Variants in PTPN14 observed in about 807,000 individuals in gnomAD.
The protein encoded by PTPN14 is protein tyrosine phosphatase non-receptor type 14.
In PTPN14, 53 loss-of-function variants were observed where a neutral mutation model predicts 126.8. The ratio of observed to expected loss-of-function variants is 0.42; its 90% CI spans 0.34 to 0.53. PTPN14 has a LOEUF of 0.53. PTPN14 is among the 20% of genes least tolerant of loss of function. The probability of loss-of-function intolerance (pLI) is 0.08; values close to 1 mark genes in which losing one functional copy is unlikely to be tolerated. For synonymous variants in PTPN14, 630 were observed against 599.3 expected (o/e 1.05, Z -0.75); for missense variants, 1,257 against 1,552.9 (o/e 0.81, Z 3.20).
At chr1:214,392,731 T>C (rs1378303225) in intron 10 of PTPN14, among the ~76,000 whole-genome samples, 2 of 152,196 alleles carry the variant, frequency 1.3e-5, no homozygotes, top group Non-Finnish European at 1.5e-5. Context: ...GTAGGCCTAA[T>C]ACTGTCAGAC....
At position 214,451,940 on chromosome 1, in the gene PTPN14, C is replaced by T. The variant is rs1387484933; in HGVS notation, c.209G>A (p.Ser70Asn). ...CAGCTCCACCCATCGTGCTTGCTGG[C>T]TCTTGCTGAGAAACCAAAGGCCAAA... ...HYFGLWFLSK[S>N]QQARWVELEK... The change falls in exon 3 of 19, where the codon AGC becomes AAC. Residue 70 changes from serine to asparagine, a missense_variant. This residue lies in a region of PTPN14 where 1,021 missense variants were observed against 1,183.3 expected (regional missense o/e 0.86). Transcript: ENST00000366956. The T allele has an allele frequency of 1.2e-6, 2 of 1,614,112 alleles. No individual in the cohort carries two copies. The highest frequency in any genetic ancestry group is 8.5e-7 in the Non-Finnish European group (1 of 1,179,992).
At chr1:214,495,895 T>C (rs912144445) in intron 1 of PTPN14, among the ~76,000 whole-genome samples, 3 of 152,098 alleles carry the variant, frequency 2.0e-5, no homozygotes, top group African/African-American at 4.8e-5. Flanking sequence ...GGTTTCACCA[T>C]GTTGGTCAGG....
chr1:214,536,429 A>T (rs1262222952), intron 1 of PTPN14, among the ~76,000 whole-genome samples: 1 of 151,918 alleles, frequency 6.6e-6, no homozygotes, highest in Non-Finnish European at 1.5e-5. Flanking sequence ...TTAGTTTTTT[A>T]AAAAATATTA....
At chr1:214,438,298 T>C (rs1451813640) in intron 3 of PTPN14, among the ~76,000 whole-genome samples, 1 of 152,180 alleles carries the variant, frequency 6.6e-6, no homozygotes, top group African/African-American at 2.4e-5. Context: ...TGCTCGGGCC[T>C]GATAACCTTA....
chr1:214,387,062 C>G (rs1658636616), intron 11 of PTPN14, 140 bp from the exon 12 acceptor site: 1 of 686,672 alleles, frequency 1.5e-6, no homozygotes, highest in East Asian at 2.8e-5. Flanking sequence ...ACCCCTTTGA[C>G]TCAACCTTCT....
chr1:214,432,030 A>T (rs4582758), intron 3 of PTPN14, among the ~76,000 whole-genome samples: 40,060 of 152,006 alleles, frequency 0.26, 6,171 homozygotes, highest in Non-Finnish European at 0.34. Context: ...AAAAGTTTTT[A>T]AAAAATTAGC....
At chr1:214,444,650 T>C (rs547863307) in intron 3 of PTPN14, among the ~76,000 whole-genome samples, 58 of 152,280 alleles carry the variant, frequency 3.8e-4, no homozygotes, top group African/African-American at 1.1e-3. Flanking sequence ...GGGAAAAGTA[T>C]TGGTATTTAT....
chr1:214,458,528 C>A (rs962647754), intron 2 of PTPN14, among the ~76,000 whole-genome samples: 2 of 152,268 alleles, frequency 1.3e-5, no homozygotes, highest in South Asian at 2.1e-4. Context: ...CTATGAAAAA[C>A]TAACTCTCTG....
At chr1:214,435,641 GA>G (rs1372915679) in intron 3 of PTPN14, among the ~76,000 whole-genome samples, 1 of 152,066 alleles carries the variant, frequency 6.6e-6, no homozygotes, top group Non-Finnish European at 1.5e-5. Context: ...ACAAGCATAA[GA>G]AAAAATGCTC....
At chr1:214,539,579 AATCT>A (rs765865885) in intron 1 of PTPN14, among the ~76,000 whole-genome samples, 17 of 152,322 alleles carry the variant, frequency 1.1e-4, no homozygotes, top group Middle Eastern at 3.4e-3. Context: ...TACGGTAATT[AATCT>A]ATCAGAATCC....
intron 7 of PTPN14, among the ~76,000 whole-genome samples, chr1:214,399,376 G>T (rs752380846): frequency 2.8e-4 from 43 of 152,130 alleles, no homozygotes; most frequent in Non-Finnish European, 5.1e-4. Flanking sequence ...CAGTTTAAGA[G>T]ACAATCTCTG....
chr1:214,534,629 CG>C (rs1169854255), intron 1 of PTPN14, among the ~76,000 whole-genome samples: 2 of 151,946 alleles, frequency 1.3e-5, no homozygotes, highest in East Asian at 3.9e-4. Context: ...AGGAGAATGG[CG>C]TGAATGTGGG....
At chr1:214,459,994 T>C (rs1660474070) in intron 2 of PTPN14, among the ~76,000 whole-genome samples, 1 of 152,184 alleles carries the variant, frequency 6.6e-6, no homozygotes, top group South Asian at 2.1e-4. Flanking sequence ...AAAGAATGTT[T>C]CCCAAAGCAT....
chr1:214,375,892 T>C (rs1435609776), intron 15 of PTPN14, among the ~76,000 whole-genome samples: 1 of 152,194 alleles, frequency 6.6e-6, no homozygotes, highest in Admixed American at 6.5e-5. Context: ...CTCCAGCACC[T>C]GCTAATTACA....
At chr1:214,507,544 A>G (rs1231431939) in intron 1 of PTPN14, among the ~76,000 whole-genome samples, 1 of 152,238 alleles carries the variant, frequency 6.6e-6, no homozygotes, top group Non-Finnish European at 1.5e-5. Flanking sequence ...ACTACAAATC[A>G]GCTGTCACAG....
At chr1:214,407,944 G>A (rs900800773) in intron 5 of PTPN14, among the ~76,000 whole-genome samples, 1 of 152,172 alleles carries the variant, frequency 6.6e-6, no homozygotes, top group African/African-American at 2.4e-5. Context: ...CGTAGCTACA[G>A]TCAAACCAGC....
chr1:214,449,011 C>CTTTTTTTTTTTTTTTTTTTTTTTT (rs71165970), intron 3 of PTPN14, among the ~76,000 whole-genome samples: 2 of 112,468 alleles, frequency 1.8e-5, no homozygotes, highest in African/African-American at 3.6e-5. Context: ...CTTAATTTTT[C>CTTTTTTTTTTTTTTTTTTTTTTTT]TTTTTTTTTT....
chr1:214,377,160 C>T lies in PTPN14; in HGVS notation c.2689-723G>A, dbSNP rs147241716. Among the ~76,000 whole-genome samples, 850 of 152,222 alleles carry T rather than the reference C, an allele frequency of 5.6e-3. 6 individuals are homozygous for T. The highest frequency in any genetic ancestry group is 0.019 in the African/African-American group (800 of 41,546). ...AAATCAGCCTCATTTTATGGTCATA[C>T]GAGGGGACAGCATTTTTAAAGAACT... On this transcript the variant is annotated intron_variant, in intron 14 of 18. Transcript: ENST00000366956.
Position 214,521,961 on chromosome 1 carries a change from G to C in PTPN14, c.-155+29222C>G, listed in dbSNP as rs537987556. Among the ~76,000 whole-genome samples the C allele has an allele frequency of 6.0e-5, 8 of 134,342 alleles. No individual in the cohort carries two copies. The South Asian group carries it at 1.8e-3, about 29-fold the overall frequency. The allele number at this position is 134,342 out of a possible 152,430, so 88.1% of individuals were successfully genotyped here. On this transcript the variant is annotated intron_variant, in intron 1 of 18. Coordinates refer to ENST00000366956, the MANE Select transcript of PTPN14 (RefSeq NM_005401.5). ...CTTTTTTTTTTTTTTTTTTGAGATGGAGTCTTGCTCTGTTGCCCAGGCTGG... is the reference window on the plus strand; with the variant it reads ...CTTTTTTTTTTTTTTTTTTGAGATGCAGTCTTGCTCTGTTGCCCAGGCTGG...
Sources: allele counts gnomAD v4.1 joint callset (sites outside exome capture counted in the v4.1 genomes callset), GRCh38; gene constraint gnomAD v4.1.1; regional missense constraint gnomAD v4.1.1; transcripts MANE v1.5; gene names NCBI Gene and HGNC (gene_info 2026-07-23, HGNC 2026-07-21).